SLC27A1: variants seen among roughly 807,000 people sequenced by gnomAD.
SLC27A1 encodes long-chain fatty acid transport protein 1.
A neutral mutation model predicts 62.2 loss-of-function variants in SLC27A1; 61 were observed. That is an observed-to-expected ratio of 0.98 (90% CI 0.80 to 1.21). SLC27A1 has a LOEUF of 1.21. Ranked by LOEUF, SLC27A1 falls within the 50% of genes most tolerant of loss-of-function variation. The pLI, the probability that SLC27A1 is intolerant of heterozygous loss-of-function variation, is 0.00. For missense variants in SLC27A1, 903 were observed against 932.1 expected, an observed-to-expected ratio of 0.97 and a Z score of 0.41; for synonymous variants, 435 against 408.6, an observed-to-expected ratio of 1.06 and a Z score of -0.78.
chr19:17,469,846 G>A (rs546393462), upstream of SLC27A1, among the ~76,000 whole-genome samples: 1 of 144,708 alleles, frequency 6.9e-6, no homozygotes, highest in South Asian at 2.2e-4. Context: ...CTGGGGTGGG[G>A]CTTGAACGGA....
intron 1 of SLC27A1, among the ~76,000 whole-genome samples, chr19:17,479,899 C>T (rs1034770194): frequency 6.6e-6 from 1 of 152,108 alleles, no homozygotes; most frequent in African/African-American, 2.4e-5. Context: ...CCACCTTGGC[C>T]TCACAAAGTG....
At chr19:17,470,424 C>A, upstream of SLC27A1, 1 of 1,230,354 alleles carries the variant, frequency 8.1e-7, no homozygotes, top group Non-Finnish European at 1.1e-6. Flanking sequence ...GCGGGGGGCG[C>A]AGAGCCGAGG....
At chr19:17,482,431 T>A (rs1164325422) in intron 1 of SLC27A1, among the ~76,000 whole-genome samples, 1 of 151,870 alleles carries the variant, frequency 6.6e-6, no homozygotes, top group Non-Finnish European at 1.5e-5. Flanking sequence ...GGCGGGTGGA[T>A]CACGAGGTCA....
chr19:17,475,943 C>T (rs1568409904), intron 1 of SLC27A1, among the ~76,000 whole-genome samples: 2 of 152,096 alleles, frequency 1.3e-5, no homozygotes, highest in Non-Finnish European at 2.9e-5. Context: ...CTGGTGTGGG[C>T]ATCCTTGAGA....
upstream of SLC27A1, chr19:17,470,450 C>T: frequency 7.5e-7 from 1 of 1,332,546 alleles, no homozygotes. Context: ...GGGCGCGGCT[C>T]GCTGTAGAGG....
intron 1 of SLC27A1, among the ~76,000 whole-genome samples, chr19:17,471,182 G>T (rs1833929465): frequency 6.6e-6 from 1 of 151,762 alleles, no homozygotes; most frequent in South Asian, 2.1e-4. Context: ...TCTCTGGGGG[G>T]TTGCCAAGAC....
At chr19:17,471,029 A>G (rs942779158) in intron 1 of SLC27A1, among the ~76,000 whole-genome samples, 4 of 149,584 alleles carry the variant, frequency 2.7e-5, no homozygotes, top group Non-Finnish European at 5.9e-5. Context: ...GTCTTTGGGC[A>G]ACTGGTGGAA....
chr19:17,485,191 C>CTTTTTTTTTTTTT (rs386388659), intron 1 of SLC27A1, among the ~76,000 whole-genome samples: 1 of 104,998 alleles, frequency 9.5e-6, no homozygotes, highest in African/African-American at 3.6e-5. Context: ...TTTTTGTTTC[C>CTTTTTTTTTTTTT]TTTTTTTTTT....
In SLC27A1 at chr19:17,488,202, T is replaced by C. The variant is rs560670903; in HGVS notation, c.795-646T>C. 3.3e-3 allele frequency among the ~76,000 whole-genome samples: 502 copies of C among 152,042 alleles called. 3 individuals carry two copies. Among genetic ancestry groups the C allele is most frequent in the Middle Eastern group, 0.017 (5 of 294 alleles). ...GGCGAAACCCTGTCTCTACTAAAAATACAAAAATTAGCTGGGCGTGGTGGC... is the reference window on the plus strand; with the variant it reads ...GGCGAAACCCTGTCTCTACTAAAAACACAAAAATTAGCTGGGCGTGGTGGC... On this transcript the variant is annotated intron_variant, in intron 4 of 11. Coordinates refer to ENST00000252595, the MANE Select transcript of SLC27A1 (RefSeq NM_198580.3).
Position 17,488,899 on chromosome 19 carries a change from T to A in SLC27A1, c.846T>A (p.Ala282=), listed in dbSNP as rs1391024014. ...ACCACGCCTACCGCATGCAGGCGGC[T>A]GACGTGCTCTATGACTGCCTGCCCC... The part of the protein sequence containing the change: ...FGHHAYRMQA[A]DVLYDCLPLY... Residue 282 remains alanine (A), a synonymous_variant, in exon 5 of 12, where the codon GCT becomes GCA. Coordinates refer to ENST00000252595, the MANE Select transcript of SLC27A1 (RefSeq NM_198580.3). 7 of 1,614,128 alleles carry A rather than the reference T, an allele frequency of 4.3e-6. No individual in the cohort carries two copies. The highest frequency in any genetic ancestry group is 5.9e-6 in the Non-Finnish European group (7 of 1,180,014).
intron 6 of SLC27A1, chr19:17,496,058 G>A (rs2075346460): frequency 6.5e-6 from 1 of 153,566 alleles, no homozygotes; most frequent in Non-Finnish European, 1.4e-5. Flanking sequence ...GGGGCGGCAG[G>A]GCCAGATCCA....
At chr19:17,469,668 G>A (rs2075053989), upstream of SLC27A1, among the ~76,000 whole-genome samples, 1 of 152,112 alleles carries the variant, frequency 6.6e-6, no homozygotes, top group Non-Finnish European at 1.5e-5. Context: ...GCCGGCCTCG[G>A]CTCTGCGGGC....
At position 17,490,618 on chromosome 19, in the gene SLC27A1, A is replaced by C. The variant is rs894284858; in HGVS notation, c.996+1501A>C. ...CACATCCTCCCCTCGGTGATGGCAT[A>C]AAGCATCCCTCAGACGGCATCATGT... is the stretch of plus-strand genomic sequence containing the variant. On this transcript the variant is annotated intron_variant, in intron 6 of 11. Transcript: ENST00000252595. Among the ~76,000 whole-genome samples, 3 of 152,118 alleles carry C rather than the reference A, an allele frequency of 2.0e-5. No homozygotes were observed. The East Asian group carries it at 5.8e-4, about 29-fold the overall frequency.
chr19:17,488,747 C>A, intron 4 of SLC27A1, 101 bp from the exon 5 acceptor site: 1 of 1,008,498 alleles, frequency 9.9e-7, no homozygotes, highest in Non-Finnish European at 1.5e-6. Context: ...GCGAACTGGG[C>A]TGGCTTTGCC....
chr19:17,485,432 C>T (rs1438659187), intron 1 of SLC27A1, among the ~76,000 whole-genome samples: 1 of 151,892 alleles, frequency 6.6e-6, no homozygotes, highest in Non-Finnish European at 1.5e-5. Context: ...TCATGATCCA[C>T]CCGCCTCGGC....
Position 17,488,833 on chromosome 19 carries a change from C to T in SLC27A1, c.795-15C>T. 2.5e-6 allele frequency: 4 copies of T among 1,611,626 alleles called. No homozygotes were observed. Among genetic ancestry groups the T allele is most frequent in the Non-Finnish European group, 2.5e-6 (3 of 1,178,986 alleles). On this transcript the variant is annotated splice_polypyrimidine_tract_variant and intron_variant, in intron 4 of 11. Coordinates refer to ENST00000252595, the MANE Select transcript of SLC27A1 (RefSeq NM_198580.3). ...GTCCCAGCCTCTGCCCTCCCGGCTC[C>T]CCCTCCCCCTGCAGGTACTACCGCA...
At chr19:17,501,993 G>C (rs1006021474) in intron 11 of SLC27A1, among the ~76,000 whole-genome samples, 1 of 151,150 alleles carries the variant, frequency 6.6e-6, no homozygotes, top group Non-Finnish European at 1.5e-5. Context: ...GCATGCACTT[G>C]TAGTCCCAGC....
Position 17,505,443 on chromosome 19 carries a change from G to C in SLC27A1, c.*831G>C, listed in dbSNP as rs927230047. 1 of 154,518 alleles carries C rather than the reference G, an allele frequency of 6.5e-6. No homozygotes were observed. The highest frequency in any genetic ancestry group is 2.4e-5 in the African/African-American group (1 of 41,464). 9.6% of individuals were successfully genotyped at this position (154,518 alleles called of 1,614,324 possible). A position where few individuals can be genotyped will look rare whatever the true frequency, so the allele number is the denominator to read the frequency against. On this transcript the variant is annotated 3_prime_UTR_variant, in exon 12 of 12. Coordinates refer to ENST00000252595, the MANE Select transcript of SLC27A1 (RefSeq NM_198580.3). ...AAGCAGGCCCTCCGCCCTCCCTGCT[G>C]AATGGAGGAGCCGGGGGTCCCCCAG... is the stretch of plus-strand genomic sequence containing the variant.
chr19:17,484,758 G>A (rs1220524363), intron 1 of SLC27A1, among the ~76,000 whole-genome samples: 7 of 152,196 alleles, frequency 4.6e-5, no homozygotes, highest in East Asian at 1.9e-4. Context: ...ATGAATGACC[G>A]AGAGGATGAA....
Sources: allele counts gnomAD v4.1 joint callset (sites outside exome capture counted in the v4.1 genomes callset), GRCh38; gene constraint gnomAD v4.1.1; transcripts MANE v1.5; gene names NCBI Gene and HGNC (gene_info 2026-07-23, HGNC 2026-07-21).